SLC26A4: variants seen among roughly 807,000 people sequenced by gnomAD.
SLC26A4 encodes solute carrier family 26 member 4.
A neutral mutation model predicts 90.4 loss-of-function variants in SLC26A4; 93 were observed. The observed-to-expected ratio is 1.03, with a 90% CI of 0.87 to 1.22. The LOEUF (loss-of-function observed/expected upper bound fraction) is 1.22. Among genes scored for constraint, SLC26A4 ranks in the 50% most tolerant of loss-of-function variants. The pLI is 0.00. For missense variants in SLC26A4, 1,127 were observed against 946.2 expected (o/e 1.19, Z -2.51); for synonymous variants, 393 against 354.6 (o/e 1.11, Z -1.22).
chr7:107,701,705 T>C (rs1448777399), intron 16 of SLC26A4, 122 bp from the exon 17 acceptor site: 1 of 732,774 alleles, frequency 1.4e-6, no homozygotes, highest in Non-Finnish European at 2.4e-6. Context: ...TCCTTAAAAA[T>C]TCATCTCCTT....
chr7:107,684,719 A>G (rs1181023488), intron 8 of SLC26A4, among the ~76,000 whole-genome samples: 1 of 152,176 alleles, frequency 6.6e-6, no homozygotes. Context: ...TATTTTTCAA[A>G]AGTGCCTCAA....
At chr7:107,683,606 A>G in intron 8 of SLC26A4, 69 bp downstream of exon 8, 1 of 1,214,458 alleles carries the variant, frequency 8.2e-7, no homozygotes, top group East Asian at 2.4e-5. Context: ...TTTAAATAAA[A>G]CCTTTTATTA....
At position 107,701,837 on chromosome 7, in the gene SLC26A4, TA is replaced by T. The variant is rs1185664659; in HGVS notation, c.1816del (p.Ser606ValfsTer29). 5 of 1,590,832 alleles carry T rather than the reference TA, an allele frequency of 3.1e-6. No individual in the cohort carries two copies. In the African/African-American group the frequency reaches 6.7e-5, roughly 21 times the overall value. On this transcript the variant is annotated frameshift_variant, in exon 17 of 21. Coordinates refer to ENST00000644269, the MANE Select transcript of SLC26A4 (RefSeq NM_000441.2). LOFTEE classifies it high-confidence loss of function. The stretch of plus-strand genomic sequence containing the variant: ...GTTTTCTTCGTTTAGAATGGCATCA[TA>T]AGTGATGCTGTTTCAACAAATAATG... ...GQLRATKNGI[I>X]SDAVSTNNAF...
Position 107,661,540 on chromosome 7 carries a change from A to C in SLC26A4, c.-3-99A>C. On this transcript the variant is annotated intron_variant, in intron 1 of 20. Transcript: ENST00000644269. The surrounding 1 kb of genome is among the most constrained non-coding windows in gnomAD (Gnocchi z 5.1). Reference sequence around the variant, plus strand: ...TCGCGGTGCAGGGGGGCCTGGCTGCAGCTAACAGGTGATCCCGTTCTTTCT... The same window carrying C: ...TCGCGGTGCAGGGGGGCCTGGCTGCCGCTAACAGGTGATCCCGTTCTTTCT... The C allele has an allele frequency of 7.6e-7, 1 of 1,309,082 alleles. No individual in the cohort carries two copies. The highest frequency in any genetic ancestry group is 1.1e-6 in the Non-Finnish European group (1 of 942,486). 81.1% of individuals were successfully genotyped at this position (1,309,082 alleles called of 1,614,324 possible).
In SLC26A4 at chr7:107,716,493, A is replaced by G. The variant is rs1446081472; in HGVS notation, c.*1047A>G. 1 of 152,246 alleles carries G rather than the reference A, an allele frequency of 6.6e-6. No individual in the cohort carries two copies. Among genetic ancestry groups the G allele is most frequent in the Non-Finnish European group, 1.5e-5 (1 of 68,034 alleles). 9.4% of individuals were successfully genotyped at this position (152,246 alleles called of 1,614,324 possible). A position where few individuals can be genotyped will look rare whatever the true frequency, so the allele number is the denominator to read the frequency against. Reference sequence around the variant, plus strand: ...TGTTTAAAGTGAATTTTTAAAGACAAAGCATTCTAAATGAACTCAATATAA... The same window carrying G: ...TGTTTAAAGTGAATTTTTAAAGACAGAGCATTCTAAATGAACTCAATATAA... On this transcript the variant is annotated 3_prime_UTR_variant, in exon 21 of 21. Coordinates refer to ENST00000644269, the MANE Select transcript of SLC26A4 (RefSeq NM_000441.2).
intron 3 of SLC26A4, among the ~76,000 whole-genome samples, chr7:107,666,448 C>T (rs1790717804): frequency 6.6e-6 from 1 of 152,140 alleles, no homozygotes; most frequent in Non-Finnish European, 1.5e-5. Flanking sequence ...TCTGGAACTC[C>T]TAGGCTCAAG....
At chr7:107,693,346 G>A (rs939677883) in intron 10 of SLC26A4, 4 of 985,226 alleles carry the variant, frequency 4.1e-6, no homozygotes, top group African/African-American at 3.5e-5. Context: ...GCCTCAGGCT[G>A]ACCCAACTAT....
chr7:107,682,311 T>C (rs1340082040), intron 6 of SLC26A4, among the ~76,000 whole-genome samples: 2 of 151,790 alleles, frequency 1.3e-5, no homozygotes, highest in African/African-American at 4.8e-5. Context: ...ACATGTACCC[T>C]AAAACTTAAA....
chr7:107,663,319 G>A lies in SLC26A4; in HGVS notation c.188G>A (p.Gly63Asp). The A allele has an allele frequency of 6.2e-7, 1 of 1,614,196 alleles. No individual in the cohort carries two copies. The highest frequency in any genetic ancestry group is 1.1e-5 in the South Asian group (1 of 91,086). The change falls in exon 3 of 21, where the codon GGT becomes GAT. Residue 63 changes from glycine (G) to aspartate (D), a missense_variant. Gly to Asp is a moderately conservative substitution (Grantham distance 94). Coordinates refer to ENST00000644269, the MANE Select transcript of SLC26A4 (RefSeq NM_000441.2). ...AGTTGTTCAAGAAAGAGAGCCTTTG[G>A]TGTGCTAAAGACTCTTGTGCCCATC... is the stretch of plus-strand genomic sequence containing the variant. ...CCSCSRKRAFGVLKTLVPILE... is the reference protein window; with the variant it reads ...CCSCSRKRAFDVLKTLVPILE...
intron 8 of SLC26A4, among the ~76,000 whole-genome samples, chr7:107,688,491 G>T (rs1458649463): frequency 6.6e-6 from 1 of 152,164 alleles, no homozygotes; most frequent in East Asian, 1.9e-4. Context: ...CAATCACTGA[G>T]ATATTTTAGT....
chr7:107,663,442 T>C lies in SLC26A4; in HGVS notation c.304+7T>C. 1 of 1,613,920 alleles carries C rather than the reference T, an allele frequency of 6.2e-7. No homozygotes were observed. On this transcript the variant is annotated splice_region_variant and intron_variant, in intron 3 of 20. Coordinates refer to ENST00000644269, the MANE Select transcript of SLC26A4 (RefSeq NM_000441.2). ...CTAGTGGCCACGCTGCAAGGTAAGA[T>C]GTTGGCAGATTGAGAGTTCTGGTCT...
At chr7:107,664,140 A>C (rs1025998436) in intron 3 of SLC26A4, among the ~76,000 whole-genome samples, 1 of 152,132 alleles carries the variant, frequency 6.6e-6, no homozygotes, top group Non-Finnish European at 1.5e-5. Flanking sequence ...CTAATCTTTC[A>C]CTTTGTTCTA....
Position 107,675,027 on chromosome 7 carries a change from C to T in SLC26A4, c.683C>T (p.Ala228Val). 3 of 1,613,876 alleles carry T rather than the reference C, an allele frequency of 1.9e-6. No individual in the cohort carries two copies. The highest frequency in any genetic ancestry group is 1.7e-6 in the Non-Finnish European group (2 of 1,179,814). The change falls in exon 6 of 21, where the codon GCC (alanine) becomes GTC (valine). Residue 228 changes from alanine (A) to valine (V), a missense_variant. By Grantham distance (64) the Ala-to-Val change is moderately conservative (BLOSUM62 0). Transcript: ENST00000644269. ...PLVGGFTTAA[A>V]FQVLVSQLKI... The stretch of plus-strand genomic sequence containing the variant: ...GTTGGTGGCTTCACAACAGCTGCTG[C>T]CTTCCAAGTGCTGGTCTCACAGCTA...
At chr7:107,687,437 T>C (rs574986569) in intron 8 of SLC26A4, among the ~76,000 whole-genome samples, 1 of 152,182 alleles carries the variant, frequency 6.6e-6, no homozygotes, top group Non-Finnish European at 1.5e-5. Flanking sequence ...ATTCTCCCAA[T>C]ATATACCAAG....
intron 18 of SLC26A4, among the ~76,000 whole-genome samples, chr7:107,708,856 A>C (rs186468967): frequency 6.6e-6 from 1 of 152,164 alleles, no homozygotes; most frequent in East Asian, 1.9e-4. Context: ...TGTTGTTATG[A>C]GGAGAGCAAA....
chr7:107,661,605 G>A lies in SLC26A4; in HGVS notation c.-3-34G>A, dbSNP rs780244667. ...CCCTCCGATCGTCCTCGCTTACCGC[G>A]TGTCCTCCCTCCTCGCTGTCCTCTG... On this transcript the variant is annotated intron_variant, in intron 1 of 20. Transcript: ENST00000644269. The surrounding 1 kb of genome is among the most constrained non-coding windows in gnomAD (Gnocchi z 5.1). 8.4e-6 allele frequency: 13 copies of A among 1,542,138 alleles called. No individual in the cohort carries two copies. The Admixed American group carries it at 2.5e-4, about 30-fold the overall frequency.
chr7:107,701,931 T>A lies in SLC26A4; in HGVS notation c.1908T>A (p.Ile636=). The change falls in exon 17 of 21, where the codon ATT becomes ATA. Residue 636 remains isoleucine (I), a synonymous_variant. Coordinates refer to ENST00000644269, the MANE Select transcript of SLC26A4 (RefSeq NM_000441.2). ...ATATCCCAACCAAGGAAATAGAGATTCAAGTGGATTGGAACTCTGAGCTTC... is the reference window on the plus strand; with the variant it reads ...ATATCCCAACCAAGGAAATAGAGATACAAGTGGATTGGAACTCTGAGCTTC... ...ELDIPTKEIE[I]QVDWNSELPV... The A allele has an allele frequency of 6.2e-7, 1 of 1,612,464 alleles. No homozygotes were observed. The highest frequency in any genetic ancestry group is 8.5e-7 in the Non-Finnish European group (1 of 1,178,486).
At chr7:107,686,683 T>C (rs934477360) in intron 8 of SLC26A4, among the ~76,000 whole-genome samples, 3 of 152,058 alleles carry the variant, frequency 2.0e-5, no homozygotes, top group Non-Finnish European at 4.4e-5. Flanking sequence ...TTTCACCATG[T>C]TGGCCAGGCT....
intron 3 of SLC26A4, among the ~76,000 whole-genome samples, chr7:107,664,202 T>A (rs1790649674): frequency 6.6e-6 from 1 of 152,214 alleles, no homozygotes. Context: ...TTATTTTATA[T>A]CCACACGTGG....
Sources: allele counts gnomAD v4.1 joint callset (sites outside exome capture counted in the v4.1 genomes callset), GRCh38; gene constraint gnomAD v4.1.1; non-coding constraint Gnocchi (gnomAD v3.1); transcripts MANE v1.5; gene names NCBI Gene and HGNC (gene_info 2026-07-23, HGNC 2026-07-21).